JAKMIP2: variants seen among roughly 807,000 people sequenced by gnomAD.
JAKMIP2 encodes janus kinase and microtubule-interacting protein 2.
A neutral mutation model predicts 115.0 loss-of-function variants in JAKMIP2; 25 were observed. The ratio of observed to expected loss-of-function variants is 0.22; its 90% CI spans 0.16 to 0.30. The LOEUF is 0.30. Ranked by LOEUF, JAKMIP2 falls within the 10% of genes least tolerant of loss-of-function variation. The pLI is 1.00. For synonymous variants in JAKMIP2, 334 were observed against 343.6 expected, an observed-to-expected ratio of 0.97 and a Z score of 0.31; for missense variants, 642 against 957.6, an observed-to-expected ratio of 0.67 and a Z score of 4.35.
chr5:147,697,521 C>T (rs1752152391), intron 1 of JAKMIP2, among the ~76,000 whole-genome samples: 1 of 152,174 alleles, frequency 6.6e-6, no homozygotes, highest in African/African-American at 2.4e-5. Flanking sequence ...GCAGCCTCTC[C>T]CATCACAGGC....
intron 1 of JAKMIP2, among the ~76,000 whole-genome samples, chr5:147,762,850 A>T (rs766694091): frequency 6.6e-6 from 1 of 152,132 alleles, no homozygotes; most frequent in Non-Finnish European, 1.5e-5. Flanking sequence ...TAATCCTAAC[A>T]GTGTGATGTG....
At chr5:147,707,996 G>T (rs1561550646) in intron 1 of JAKMIP2, among the ~76,000 whole-genome samples, 1 of 152,052 alleles carries the variant, frequency 6.6e-6, no homozygotes, top group African/African-American at 2.4e-5. Flanking sequence ...AGAGAAGAGG[G>T]CAATTTAAAT....
At chr5:147,640,564 G>C in intron 9 of JAKMIP2, 140 bp downstream of exon 9, 5 of 771,030 alleles carry the variant, frequency 6.5e-6, no homozygotes. Context: ...ATAAAGTGCA[G>C]CCTCAAAATT....
intron 3 of JAKMIP2, among the ~76,000 whole-genome samples, chr5:147,657,136 C>T (rs551072315): frequency 1.3e-4 from 20 of 152,166 alleles, no homozygotes; most frequent in African/African-American, 1.4e-4. Context: ...AAAAATTGGC[C>T]GGGCATGGTG....
At chr5:147,611,643 G>A (rs528988739) in intron 20 of JAKMIP2, among the ~76,000 whole-genome samples, 1 of 152,298 alleles carries the variant, frequency 6.6e-6, no homozygotes, top group Admixed American at 6.5e-5. Context: ...CATCTTGCTC[G>A]GGAATTCCAG....
intron 14 of JAKMIP2, among the ~76,000 whole-genome samples, chr5:147,630,070 T>C (rs1187422186): frequency 6.6e-6 from 1 of 152,206 alleles, no homozygotes; most frequent in Non-Finnish European, 1.5e-5. Flanking sequence ...AATATTCTCA[T>C]TAACTTTCTT....
At chr5:147,779,162 G>C (rs79201840) in intron 1 of JAKMIP2, among the ~76,000 whole-genome samples, 2 of 152,034 alleles carry the variant, frequency 1.3e-5, no homozygotes, top group African/African-American at 2.4e-5. Flanking sequence ...ATCCTGAAGC[G>C]GACTTGTAGC....
intron 1 of JAKMIP2, among the ~76,000 whole-genome samples, chr5:147,696,025 G>A (rs1281350558): frequency 6.6e-6 from 1 of 152,054 alleles, no homozygotes; most frequent in Non-Finnish European, 1.5e-5. Context: ...TCCAATTACA[G>A]GCTTCTACCA....
chr5:147,769,857 A>T (rs1329039391), intron 1 of JAKMIP2, among the ~76,000 whole-genome samples: 1 of 152,078 alleles, frequency 6.6e-6, no homozygotes, highest in Non-Finnish European at 1.5e-5. Flanking sequence ...TGGATAGTCA[A>T]ATATTTGGGT....
chr5:147,611,809 G>A (rs1477641460), intron 20 of JAKMIP2, among the ~76,000 whole-genome samples: 2 of 152,144 alleles, frequency 1.3e-5, no homozygotes, highest in Non-Finnish European at 2.9e-5. Context: ...TGGCTGACTT[G>A]GAAGAAGCAG....
intron 1 of JAKMIP2, among the ~76,000 whole-genome samples, chr5:147,698,996 A>C (rs1299549015): frequency 6.6e-6 from 1 of 152,154 alleles, no homozygotes; most frequent in Non-Finnish European, 1.5e-5. Context: ...ACGTTATCTA[A>C]GATTTGGCCA....
chr5:147,779,838 T>A (rs1245488592), intron 1 of JAKMIP2, among the ~76,000 whole-genome samples: 1 of 152,134 alleles, frequency 6.6e-6, no homozygotes, highest in African/African-American at 2.4e-5. Flanking sequence ...CAAATGCATA[T>A]CTAGGTCATA....
chr5:147,750,547 ATGG>A (rs930592080), intron 1 of JAKMIP2, among the ~76,000 whole-genome samples: 1 of 137,094 alleles, frequency 7.3e-6, no homozygotes, highest in Non-Finnish European at 1.6e-5. Flanking sequence ...GATATCACTC[ATGG>A]TGCCAGAAAA....
rs1037144977 is a variant in JAKMIP2, at chr5:147,587,996, CCTAA to C, written c.*3707_*3710del. On this transcript the variant is annotated 3_prime_UTR_variant, in exon 22 of 22. Coordinates refer to ENST00000616793, the MANE Select transcript of JAKMIP2 (RefSeq NM_001270941.2). ...AAGATCTATTCTTCCACCCCTAAAA[CCTAA>C]CTGTTGGTAATAATTTAATTTATAT... The C allele has an allele frequency of 3.3e-5, 5 of 150,364 alleles. No individual in the cohort carries two copies. Among genetic ancestry groups the C allele is most frequent in the Non-Finnish European group, 7.4e-5 (5 of 67,688 alleles). 9.3% of individuals were successfully genotyped at this position (150,364 alleles called of 1,614,324 possible).
chr5:147,623,224 C>CTTTTTTTTTTTTTTTTTTTTTTT (rs199676287), intron 17 of JAKMIP2, among the ~76,000 whole-genome samples: 1 of 138,740 alleles, frequency 7.2e-6, no homozygotes, highest in East Asian at 2.1e-4. Flanking sequence ...TTGTTCTACT[C>CTTTTTTTTTTTTTTTTTTTTTTT]TTTTTTTTTT....
At position 147,772,194 on chromosome 5, in the gene JAKMIP2, T is replaced by G. The variant is rs528492822; in HGVS notation, c.-149+10262A>C. Among the ~76,000 whole-genome samples, 9 of 152,258 alleles carry G rather than the reference T, an allele frequency of 5.9e-5. No homozygotes were observed. The South Asian group carries it at 1.7e-3, about 28-fold the overall frequency. ...GAAAAAAACGCCTTAGTCTACTAATTATGAAAGACGTAAATAATTGCTGGG... is the reference window on the plus strand; with the variant it reads ...GAAAAAAACGCCTTAGTCTACTAATGATGAAAGACGTAAATAATTGCTGGG... On this transcript the variant is annotated intron_variant, in intron 1 of 21. Transcript: ENST00000616793.
rs570622554 is a variant in JAKMIP2 at position 147,623,836 on chromosome 5, G to A, written c.1996-147C>T. On this transcript the variant is annotated intron_variant, in intron 16 of 21. Coordinates refer to ENST00000616793, the MANE Select transcript of JAKMIP2 (RefSeq NM_001270941.2). ...GCAAAAACAACACCTTTTTTTGCTT[G>A]TTTGTTTGTTTTGTTTTTGAAACGG... 2.9e-5 allele frequency: 15 copies of A among 525,966 alleles called. No individual in the cohort carries two copies. The African/African-American group carries it at 3.0e-4, about 10-fold the overall frequency. The allele number at this position is 525,966 out of a possible 1,614,324, so 32.6% of individuals were successfully genotyped here. A position where few individuals can be genotyped will look rare whatever the true frequency, so the allele number is the denominator to read the frequency against.
At chr5:147,680,147 A>G (rs1260220766) in intron 1 of JAKMIP2, among the ~76,000 whole-genome samples, 1 of 152,240 alleles carries the variant, frequency 6.6e-6, no homozygotes, top group East Asian at 1.9e-4. Context: ...ATATAAGATA[A>G]CTAGCAAATT....
At chr5:147,652,797 C>T (rs1300576108) in intron 3 of JAKMIP2, among the ~76,000 whole-genome samples, 1 of 151,988 alleles carries the variant, frequency 6.6e-6, no homozygotes, top group South Asian at 2.1e-4. Flanking sequence ...ACCTATCAAC[C>T]GGTCCTCTAG....
Sources: gnomAD v4.1 joint callset for allele counts (sites outside exome capture counted in the v4.1 genomes callset) on GRCh38, gnomAD v4.1.1 for gene constraint, MANE v1.5 for transcripts, NCBI Gene and HGNC (gene_info 2026-07-23, HGNC 2026-07-21) for gene names.